CDH4: variants seen among roughly 807,000 people sequenced by gnomAD.
The protein encoded by CDH4 is cadherin 4.
Under a neutral mutation model 86.0 loss-of-function variants are expected in CDH4, and 33 were observed. The observed-to-expected ratio is 0.38, with a 90% CI of 0.29 to 0.51. The LOEUF is 0.51. Among genes scored for constraint, CDH4 ranks in the 20% least tolerant of loss-of-function variants. The pLI, the probability that CDH4 is intolerant of heterozygous loss-of-function variation, is 0.86. For synonymous variants in CDH4, 555 were observed against 549.4 expected (o/e 1.01, Z -0.14); for missense variants, 1,114 against 1,307.4 (o/e 0.85, Z 2.28).
chr20:61,599,046 G>A (rs931674666), intron 2 of CDH4, among the ~76,000 whole-genome samples: 8 of 152,198 alleles, frequency 5.3e-5, no homozygotes, highest in Admixed American at 1.3e-4. Flanking sequence ...TAAATTTGAC[G>A]ATGCTGACTT....
intron 6 of CDH4, among the ~76,000 whole-genome samples, chr20:61,864,476 A>T (rs1568856340): frequency 6.8e-6 from 1 of 146,192 alleles, no homozygotes; most frequent in Non-Finnish European, 1.5e-5. Context: ...GCCCCCAGAA[A>T]CACAAGAAAA....
chr20:61,658,832 G>A (rs1031944918), intron 2 of CDH4, among the ~76,000 whole-genome samples: 11 of 152,304 alleles, frequency 7.2e-5, no homozygotes, highest in Admixed American at 1.3e-4. Flanking sequence ...GGGTGAGGCC[G>A]AGGGAGGAGG....
chr20:61,338,498 C>T (rs1019022030), intron 2 of CDH4, among the ~76,000 whole-genome samples: 3 of 152,150 alleles, frequency 2.0e-5, no homozygotes, highest in African/African-American at 4.8e-5. Flanking sequence ...AATGAGGCCC[C>T]GTCTGGACTT....
At chr20:61,432,706 T>A (rs1238804634) in intron 2 of CDH4, among the ~76,000 whole-genome samples, 1 of 152,086 alleles carries the variant, frequency 6.6e-6, no homozygotes, top group African/African-American at 2.4e-5. Context: ...GCATATCAAG[T>A]TTTTCCTTTT....
At chr20:61,616,067 C>T (rs755631292) in intron 2 of CDH4, among the ~76,000 whole-genome samples, 2 of 152,222 alleles carry the variant, frequency 1.3e-5, no homozygotes, top group Non-Finnish European at 2.9e-5. Flanking sequence ...CTTGGGAACT[C>T]AGAGTGAGCC....
chr20:61,282,571 GTA>G (rs1258707356), intron 2 of CDH4, among the ~76,000 whole-genome samples: 49 of 151,208 alleles, frequency 3.2e-4, no homozygotes, highest in African/African-American at 3.9e-4. Context: ...GTGTGTGTGT[GTA>G]TGTCTATCTG....
chr20:61,632,440 C>T (rs2086897642), intron 2 of CDH4, among the ~76,000 whole-genome samples: 1 of 152,148 alleles, frequency 6.6e-6, no homozygotes, highest in African/African-American at 2.4e-5. Context: ...AAGTGTGACC[C>T]TTGCCCCATT....
At chr20:61,473,189 C>T (rs796669818) in intron 2 of CDH4, among the ~76,000 whole-genome samples, 16 of 152,206 alleles carry the variant, frequency 1.1e-4, no homozygotes, top group African/African-American at 3.9e-4. Flanking sequence ...TCAAAATAAC[C>T]TCTTTAGCAT....
intron 2 of CDH4, among the ~76,000 whole-genome samples, chr20:61,345,592 C>A (rs535169122): frequency 1.3e-5 from 2 of 152,222 alleles, no homozygotes; most frequent in Non-Finnish European, 2.9e-5. Flanking sequence ...CCTCACGATG[C>A]CTTCATCTTA....
chr20:61,467,448 G>A lies in CDH4; in HGVS notation c.169+212511G>A, dbSNP rs368894540. ...TCTCTGAAACATGTGTCTTGAGTATGATAAGTAATAGAATATTTTGGCAGT... is the reference window on the plus strand; with the variant it reads ...TCTCTGAAACATGTGTCTTGAGTATAATAAGTAATAGAATATTTTGGCAGT... On this transcript the variant is annotated intron_variant, in intron 2 of 15. Transcript: ENST00000614565. Among the ~76,000 whole-genome samples, 4 of 152,350 alleles carry A rather than the reference G, an allele frequency of 2.6e-5. No homozygotes were observed. The East Asian group carries it at 7.7e-4, about 29-fold the overall frequency.
At chr20:61,399,119 CTTTTTTTTTTTTTT>C (rs926368033) in intron 2 of CDH4, among the ~76,000 whole-genome samples, 2 of 77,054 alleles carry the variant, frequency 2.6e-5, no homozygotes, top group Non-Finnish European at 4.7e-5. Context: ...GAAAAACCCA[CTTTTTTTTTTTTTT>C]TTTTTTTTTT....
At chr20:61,375,364 G>A (rs998937475) in intron 2 of CDH4, among the ~76,000 whole-genome samples, 1 of 151,986 alleles carries the variant, frequency 6.6e-6, no homozygotes, top group Non-Finnish European at 1.5e-5. Context: ...TGGCCATGCT[G>A]ATTGTGATGG....
At chr20:61,581,837 C>T (rs1327767738) in intron 2 of CDH4, among the ~76,000 whole-genome samples, 3 of 152,198 alleles carry the variant, frequency 2.0e-5, no homozygotes, top group South Asian at 2.1e-4. Context: ...TGCCTGGAGC[C>T]GCTACCGTGA....
intron 4 of CDH4, among the ~76,000 whole-genome samples, chr20:61,826,730 C>G (rs1021992599): frequency 6.6e-6 from 1 of 152,146 alleles, no homozygotes; most frequent in African/African-American, 2.4e-5. Flanking sequence ...CTGGGTCCTT[C>G]GAGACCCGTT....
chr20:61,362,434 T>A (rs1329963120), intron 2 of CDH4, among the ~76,000 whole-genome samples: 1 of 121,764 alleles, frequency 8.2e-6, no homozygotes. Flanking sequence ...CCTAGGACAG[T>A]GTAGTGGAGA....
At position 61,855,275 on chromosome 20, in the gene CDH4, T is replaced by C. The variant is rs1051517699; in HGVS notation, c.877+2377T>C. Among the ~76,000 whole-genome samples, 5 of 152,166 alleles carry C rather than the reference T, an allele frequency of 3.3e-5. No homozygotes were observed. The East Asian group carries it at 9.6e-4, about 29-fold the overall frequency. ...AGGGCTGCAGCGTGAACAGGGTGAA[T>C]TGCACCCTTGATTGGTTGTCTTTCA... On this transcript the variant is annotated intron_variant, in intron 6 of 15. Transcript: ENST00000614565.
intron 11 of CDH4, among the ~76,000 whole-genome samples, chr20:61,926,879 GAAAAA>G (rs201937796): frequency 6.6e-6 from 1 of 151,756 alleles, no homozygotes; most frequent in East Asian, 1.9e-4. Context: ...TCTCAAAAAA[GAAAAA>G]AAAGAAAGAA....
chr20:61,466,456 A>G (rs554027801), intron 2 of CDH4, among the ~76,000 whole-genome samples: 1 of 152,338 alleles, frequency 6.6e-6, no homozygotes, highest in East Asian at 1.9e-4. Flanking sequence ...CACGTGACTC[A>G]GTACAATCCC....
Position 61,252,635 on chromosome 20 carries a change from C to G in CDH4, c.57+65C>G. ...GGGCAGCGGGAGGTCGTCCCCGGAT[C>G]CCGCGGGGCGCTCACACACCCGGCG... On this transcript the variant is annotated intron_variant, in intron 1 of 15. Transcript: ENST00000614565. The surrounding 1 kb of genome is among the most constrained non-coding windows in gnomAD (Gnocchi z 4.4). 2.0e-6 allele frequency: 2 copies of G among 1,009,180 alleles called. No individual in the cohort carries two copies. Among genetic ancestry groups the G allele is most frequent in the Non-Finnish European group, 2.5e-6 (2 of 796,098 alleles). 62.5% of individuals were successfully genotyped at this position (1,009,180 alleles called of 1,614,324 possible).
Sources: gnomAD v4.1 joint callset for allele counts (sites outside exome capture counted in the v4.1 genomes callset) on GRCh38, gnomAD v4.1.1 for gene constraint, Gnocchi (gnomAD v3.1) non-coding constraint, MANE v1.5 for transcripts, NCBI Gene and HGNC (gene_info 2026-07-23, HGNC 2026-07-21) for gene names.